Variants in SLC38A4 observed in about 807,000 individuals in gnomAD.
The protein encoded by SLC38A4 is solute carrier family 38 member 4.
In SLC38A4, 20 loss-of-function variants were observed where a neutral mutation model predicts 63.1. The observed-to-expected ratio is 0.32, with a 90% CI of 0.22 to 0.46. The LOEUF (loss-of-function observed/expected upper bound fraction) is 0.46, where lower values mean the gene tolerates loss of function less well. Ranked by LOEUF, SLC38A4 falls within the 20% of genes least tolerant of loss-of-function variation. SLC38A4 has a pLI of 1.00. For synonymous variants in SLC38A4, 230 were observed against 225.5 expected, an observed-to-expected ratio of 1.02 and a Z score of -0.18; for missense variants, 526 against 663.6, an observed-to-expected ratio of 0.79 and a Z score of 2.28.
At position 46,778,324 on chromosome 12, in the gene SLC38A4, G is replaced by T; in HGVS notation, c.1038C>A (p.His346Gln). The T allele has an allele frequency of 6.2e-7, 1 of 1,612,672 alleles. No homozygotes were observed. The change falls in exon 12 of 17, where the codon CAC becomes CAA. Residue 346 changes from histidine to glutamine, a missense_variant. His to Gln is a conservative substitution (Grantham distance 24, BLOSUM62 0). Coordinates refer to ENST00000266579, the MANE Select transcript of SLC38A4 (RefSeq NM_018018.5). ...IPILVFAFVC[H>Q]PEVLPIYSEL... is the part of the protein sequence containing the mutation. Reference sequence around the variant, plus strand: ...CACTGTAGATGGGAAGGACCTCAGGGTGGCATACAAAAGCAAATACTAGGA... The same window carrying T: ...CACTGTAGATGGGAAGGACCTCAGGTTGGCATACAAAAGCAAATACTAGGA...
chr12:46,819,834 A>G (rs777261021), intron 1 of SLC38A4, among the ~76,000 whole-genome samples: 1 of 151,934 alleles, frequency 6.6e-6, no homozygotes, highest in Non-Finnish European at 1.5e-5. Context: ...AGTTCCCTCG[A>G]AAGTTTGAAA....
At chr12:46,781,807 G>C (rs1938648241) in intron 7 of SLC38A4, among the ~76,000 whole-genome samples, 1 of 151,976 alleles carries the variant, frequency 6.6e-6, no homozygotes, top group Non-Finnish European at 1.5e-5. Context: ...TTGAACCACA[G>C]CTGAGGTGCT....
chr12:46,772,699 A>G (rs966845319), intron 14 of SLC38A4, among the ~76,000 whole-genome samples: 2 of 152,262 alleles, frequency 1.3e-5, no homozygotes, highest in Non-Finnish European at 2.9e-5. Flanking sequence ...ATTGGAAAAA[A>G]GAAAGATAAT....
intron 5 of SLC38A4, among the ~76,000 whole-genome samples, chr12:46,787,001 A>G (rs565193181): frequency 1.3e-5 from 2 of 152,202 alleles, no homozygotes; most frequent in Non-Finnish European, 2.9e-5. Context: ...GCTGCCAACT[A>G]TATCCTGGAA....
At chr12:46,770,857 C>T (rs1938403274) in intron 14 of SLC38A4, among the ~76,000 whole-genome samples, 1 of 152,002 alleles carries the variant, frequency 6.6e-6, no homozygotes, top group African/African-American at 2.4e-5. Context: ...TCTGAAGTCA[C>T]TTAAGGTGCA....
chr12:46,809,606 A>G (rs1166541947), intron 1 of SLC38A4, among the ~76,000 whole-genome samples: 1 of 152,104 alleles, frequency 6.6e-6, no homozygotes, highest in Non-Finnish European at 1.5e-5. Flanking sequence ...TGGGACATTA[A>G]CTGAGCTTTT....
chr12:46,798,969 T>C (rs777536341), intron 2 of SLC38A4, among the ~76,000 whole-genome samples: 6 of 152,160 alleles, frequency 3.9e-5, no homozygotes, highest in Non-Finnish European at 1.5e-5. Context: ...CCTGGCTGCA[T>C]TAACTAACTT....
rs141272588 is a variant in SLC38A4 at position 46,810,589 on chromosome 12, T to C, written c.-304-6795A>G. Reference sequence around the variant, plus strand: ...AAATAAAAATTATATACATAACATATAAAAATATATGCAAAGAGAAATCAT... The same window carrying C: ...AAATAAAAATTATATACATAACATACAAAAATATATGCAAAGAGAAATCAT... On this transcript the variant is annotated intron_variant, in intron 1 of 16. Transcript: ENST00000266579. Among the ~76,000 whole-genome samples, 114 of 151,556 alleles carry C rather than the reference T, an allele frequency of 7.5e-4. 1 individual carries two copies. In the East Asian group the frequency reaches 0.019, roughly 26 times the overall value.
At chr12:46,829,012 T>C (rs1223890221), upstream of SLC38A4, among the ~76,000 whole-genome samples, 1 of 152,224 alleles carries the variant, frequency 6.6e-6, no homozygotes, top group Non-Finnish European at 1.5e-5. Context: ...TACTGCTGTC[T>C]TTATTGCAAC....
intron 1 of SLC38A4, among the ~76,000 whole-genome samples, chr12:46,814,858 A>G (rs116892682): frequency 0.038 from 5,813 of 151,916 alleles, 160 homozygotes; most frequent in South Asian, 0.1. Flanking sequence ...GCATGCATAC[A>G]TGCTACTTCT....
intron 1 of SLC38A4, among the ~76,000 whole-genome samples, chr12:46,811,749 C>T (rs537394155): frequency 7.9e-5 from 12 of 152,020 alleles, no homozygotes; most frequent in African/African-American, 2.9e-4. Context: ...TTGCATCCCT[C>T]GAGAGAGTGT....
chr12:46,778,632 C>T lies in SLC38A4; in HGVS notation c.862G>A (p.Asp288Asn). ...SESSDVNFMM[D>N]YTHRNPAGLD... ...CCTGCAGGATTGCGGTGGGTGTAATCCATCATGAAGTTCACATCAGAACTC... is the reference window on the plus strand; with the variant it reads ...CCTGCAGGATTGCGGTGGGTGTAATTCATCATGAAGTTCACATCAGAACTC... The change falls in exon 11 of 17, where the codon GAT becomes AAT. Residue 288 changes from aspartate to asparagine, a missense_variant. Asp to Asn is a conservative substitution (Grantham distance 23). Coordinates refer to ENST00000266579, the MANE Select transcript of SLC38A4 (RefSeq NM_018018.5). 6.2e-7 allele frequency: 1 copy of T among 1,612,896 alleles called. No homozygotes were observed. Among genetic ancestry groups the T allele is most frequent in the Non-Finnish European group, 8.5e-7 (1 of 1,179,378 alleles).
intron 14 of SLC38A4, among the ~76,000 whole-genome samples, chr12:46,774,514 T>C (rs1172061675): frequency 1.3e-5 from 2 of 152,040 alleles, no homozygotes; most frequent in African/African-American, 4.8e-5. Flanking sequence ...GTGAGAGAGA[T>C]ATGTGATAGA....
intron 13 of SLC38A4, 26 bp from the exon 14 acceptor site, chr12:46,775,199 C>T: frequency 6.2e-7 from 1 of 1,606,370 alleles, no homozygotes; most frequent in Non-Finnish European, 8.5e-7. Context: ...GAGAATGAAA[C>T]CGCTTGGTGT....
chr12:46,825,669 C>G (rs1939636020), intron 1 of SLC38A4, among the ~76,000 whole-genome samples: 1 of 152,068 alleles, frequency 6.6e-6, no homozygotes, highest in Non-Finnish European at 1.5e-5. Context: ...CACATTCCTC[C>G]CATTTGGAAA....
chr12:46,782,792 A>G (rs1345355804), intron 7 of SLC38A4, among the ~76,000 whole-genome samples: 1 of 150,926 alleles, frequency 6.6e-6, no homozygotes, highest in African/African-American at 2.4e-5. Context: ...ACATGAAAAA[A>G]TTAGACAAAG....
rs1212987943 is a variant in SLC38A4 at position 46,766,574 on chromosome 12, T to C, written c.*127A>G. The C allele has an allele frequency of 2.6e-6, 2 of 756,340 alleles. No individual in the cohort carries two copies. The highest frequency in any genetic ancestry group is 4.6e-6 in the Non-Finnish European group (2 of 431,044). 46.9% of individuals were successfully genotyped at this position (756,340 alleles called of 1,614,324 possible). On this transcript the variant is annotated 3_prime_UTR_variant, in exon 17 of 17. Transcript: ENST00000266579. ...TTCTGCAGGTGCCTGGTGATATTAC[T>C]GGTAAACGTCTTTGGAATCTTCCTG...
chr12:46,809,228 C>T (rs1939293805), intron 1 of SLC38A4, among the ~76,000 whole-genome samples: 2 of 151,984 alleles, frequency 1.3e-5, no homozygotes, highest in African/African-American at 2.4e-5. Context: ...CTAACATATG[C>T]TTCAAAGAAT....
chr12:46,783,188 C>T (rs1391308112), intron 7 of SLC38A4, among the ~76,000 whole-genome samples: 1 of 149,956 alleles, frequency 6.7e-6, no homozygotes, highest in Non-Finnish European at 1.5e-5. Flanking sequence ...TGGTTTGACA[C>T]AGGACATGTA....
Sources: gnomAD v4.1 joint callset for allele counts (sites outside exome capture counted in the v4.1 genomes callset) on GRCh38, gnomAD v4.1.1 for gene constraint, MANE v1.5 for transcripts, NCBI Gene and HGNC (gene_info 2026-07-23, HGNC 2026-07-21) for gene names.